The following TRPM1 variants were observed in gnomAD, a reference collection of about 807,000 sequenced individuals.
TRPM1 encodes TRPM1-203 APA Isoform, Intron 10.
Under a neutral mutation model 149.4 loss-of-function variants are expected in TRPM1, and 113 were observed. That is an observed-to-expected ratio of 0.76 (90% CI 0.65 to 0.88). The LOEUF (loss-of-function observed/expected upper bound fraction) is 0.88, where lower values mean the gene tolerates loss of function less well. Among genes scored for constraint, TRPM1 ranks in the 40% least tolerant of loss-of-function variants. The pLI, the probability that TRPM1 is intolerant of heterozygous loss-of-function variation, is 0.00. For missense variants in TRPM1, 1,976 were observed against 2,038.7 expected, an observed-to-expected ratio of 0.97 and a Z score of 0.59; for synonymous variants, 741 against 759.5, an observed-to-expected ratio of 0.98 and a Z score of 0.40.
At chr15:31,015,074 T>C (rs995861094) in intron 27 of TRPM1, among the ~76,000 whole-genome samples, 4 of 152,062 alleles carry the variant, frequency 2.6e-5, no homozygotes, top group African/African-American at 9.7e-5. Context: ...TATAAGCAGA[T>C]GAGATGAGGT....
Position 31,032,695 on chromosome 15 carries a change from T to C in TRPM1, c.2946A>G (p.Gly982=), listed in dbSNP as rs1288944174. The C allele has an allele frequency of 3.7e-6, 6 of 1,613,994 alleles. No individual in the cohort carries two copies. Reference sequence around the variant, plus strand: ...ACAGGATGCCACTACTAACCATCTTTCCAATCATCATCACGTATGGCCCCA... The same window carrying C: ...ACAGGATGCCACTACTAACCATCTTCCCAATCATCATCACGTATGGCCCCA... ...KYLGPYVMMI[G]KMMIDMLYFV... is the part of the protein sequence containing the mutation. Residue 982 remains glycine, a synonymous_variant, in exon 22 of 28, where the codon GGA becomes GGG. Coordinates refer to ENST00000256552, the MANE Select transcript of TRPM1 (RefSeq NM_001252024.2).
chr15:31,014,730 G>C (rs1325276157), intron 27 of TRPM1, among the ~76,000 whole-genome samples: 7 of 152,166 alleles, frequency 4.6e-5, no homozygotes, highest in Non-Finnish European at 5.9e-5. Flanking sequence ...ATGTGAATAA[G>C]GAGCAGACTC....
chr15:31,020,476 G>A (rs1363870036), intron 27 of TRPM1, among the ~76,000 whole-genome samples: 2 of 152,214 alleles, frequency 1.3e-5, no homozygotes, highest in Non-Finnish European at 2.9e-5. Context: ...ACCGATGAAG[G>A]TCATGGGAAC....
intron 8 of TRPM1, 75 bp from the exon 9 acceptor site, chr15:31,062,777 T>A (rs559084872): frequency 1.9e-6 from 3 of 1,540,132 alleles, no homozygotes; most frequent in African/African-American, 2.7e-5. Context: ...CATATCTCTG[T>A]CTTTGATTTG....
At chr15:31,141,772 G>T (rs866542183) in intron 1 of TRPM1, among the ~76,000 whole-genome samples, 2 of 152,222 alleles carry the variant, frequency 1.3e-5, no homozygotes, top group African/African-American at 2.4e-5. Flanking sequence ...TCTTATGAAA[G>T]AAATTTTGTG....
chr15:31,148,186 A>G (rs913234123), intron 1 of TRPM1, among the ~76,000 whole-genome samples: 67 of 152,212 alleles, frequency 4.4e-4, no homozygotes, highest in African/African-American at 1.6e-3. Flanking sequence ...AGGGTCTAAC[A>G]AAGGGACAAA....
At chr15:31,041,104 C>T (rs1190984125) in intron 17 of TRPM1, among the ~76,000 whole-genome samples, 7 of 151,868 alleles carry the variant, frequency 4.6e-5, no homozygotes, top group Admixed American at 4.6e-4. Context: ...GCCTTCCCCA[C>T]ATGATCCAGA....
chr15:31,002,901 C>G lies in TRPM1; in HGVS notation c.3799G>C (p.Ala1267Pro). Reference protein sequence around the residue: ...AGIDRSDLIQARSRASSECEA... With the variant: ...AGIDRSDLIQPRSRASSECEA... ...CATTCAGAAGAAGCCCGGGACCGTG[C>G]CTGGATCAGGTCAGACCTGTCGATT... The change falls in exon 28 of 28, where the codon GCA becomes CCA. Residue 1267 changes from alanine to proline, a missense_variant. Ala to Pro is a conservative substitution (Grantham distance 27). Transcript: ENST00000256552. 6.2e-7 allele frequency: 1 copy of G among 1,613,668 alleles called. No homozygotes were observed. The highest frequency in any genetic ancestry group is 1.3e-5 in the African/African-American group (1 of 75,030).
At chr15:31,023,927 A>G (rs552312138) in intron 27 of TRPM1, among the ~76,000 whole-genome samples, 8 of 152,334 alleles carry the variant, frequency 5.3e-5, no homozygotes, top group Non-Finnish European at 8.8e-5. Context: ...TTTATAGGTA[A>G]ATTTCCAAAC....
chr15:31,103,034 A>G (rs1333353570), upstream of TRPM1, among the ~76,000 whole-genome samples: 1 of 152,216 alleles, frequency 6.6e-6, no homozygotes, highest in Non-Finnish European at 1.5e-5. Context: ...ATCTGAAATC[A>G]GTCTGGGAGC....
In TRPM1 at chr15:31,041,950, C is replaced by T; in HGVS notation, c.2087+1G>A. ...CCTTTAAATCCCCGCTAGACACTAA[C>T]TTGGAATTGTTATCCAAGTCCTGGG... is the stretch of plus-strand genomic sequence containing the variant. On this transcript the variant is annotated splice_donor_variant, in intron 17 of 27. Coordinates refer to ENST00000256552, the MANE Select transcript of TRPM1 (RefSeq NM_001252024.2). LOFTEE classifies it high-confidence loss of function. 6.2e-7 allele frequency: 1 copy of T among 1,614,186 alleles called. No individual in the cohort carries two copies. The highest frequency in any genetic ancestry group is 2.2e-5 in the East Asian group (1 of 44,878).
intron 20 of TRPM1, 193 bp from the exon 21 acceptor site, chr15:31,035,867 T>C: frequency 2.8e-6 from 2 of 724,326 alleles, no homozygotes; most frequent in Non-Finnish European, 4.7e-6. Flanking sequence ...GGAGGCATTT[T>C]ATACTTCAGC....
chr15:31,070,915 A>T (rs1196230298), intron 3 of TRPM1, among the ~76,000 whole-genome samples: 1 of 152,190 alleles, frequency 6.6e-6, no homozygotes, highest in East Asian at 1.9e-4. Context: ...GTAATGCTAA[A>T]AGGCTATTTC....
intron 1 of TRPM1, among the ~76,000 whole-genome samples, chr15:31,089,027 A>C (rs552939319): frequency 6.6e-6 from 1 of 152,216 alleles, no homozygotes; most frequent in Non-Finnish European, 1.5e-5. Context: ...TGAGGCACTC[A>C]AATGGGGGTA....
At chr15:31,114,922 A>G (rs1245592219) in intron 1 of TRPM1, among the ~76,000 whole-genome samples, 1 of 152,258 alleles carries the variant, frequency 6.6e-6, no homozygotes, top group Non-Finnish European at 1.5e-5. Context: ...ATGGATACCA[A>G]TTGTATAACA....
In TRPM1 at chr15:31,050,426, T is replaced by G. The variant is rs376502001; in HGVS notation, c.1420A>C (p.Ile474Leu). The change falls in exon 12 of 28, where the codon ATA becomes CTA. Residue 474 changes from isoleucine to leucine, a missense_variant. Transcript: ENST00000256552. The part of the protein sequence containing the change: ...EVEEETDPRK[I>L]ELLNWVNALE... ...CCACATACCCAGTTCAGCAGCTCTATCTTCCGGGGGTCAGTTTCTTCCTCC... is the reference window on the plus strand; with the variant it reads ...CCACATACCCAGTTCAGCAGCTCTAGCTTCCGGGGGTCAGTTTCTTCCTCC... 5 of 1,614,004 alleles carry G rather than the reference T, an allele frequency of 3.1e-6. No homozygotes were observed. Among genetic ancestry groups the G allele is most frequent in the Non-Finnish European group, 4.2e-6 (5 of 1,180,012 alleles).
At chr15:31,104,233 C>T (rs948172177), upstream of TRPM1, among the ~76,000 whole-genome samples, 6 of 152,142 alleles carry the variant, frequency 3.9e-5, no homozygotes, top group African/African-American at 1.4e-4. Context: ...CTGGCGGTCA[C>T]AGTTGGTGAG....
intron 16 of TRPM1, among the ~76,000 whole-genome samples, chr15:31,043,474 G>A (rs1472521870): frequency 6.6e-6 from 1 of 151,972 alleles, no homozygotes; most frequent in Admixed American, 6.5e-5. Flanking sequence ...TTGTAGCCAT[G>A]AGCCACCACG....
chr15:31,114,904 A>C (rs1233447114), intron 1 of TRPM1, among the ~76,000 whole-genome samples: 1 of 152,260 alleles, frequency 6.6e-6, no homozygotes, highest in East Asian at 1.9e-4. Flanking sequence ...ATATGTGTGT[A>C]CATCTAAATG....
Sources: allele counts gnomAD v4.1 joint callset (sites outside exome capture counted in the v4.1 genomes callset), GRCh38; gene constraint gnomAD v4.1.1; transcripts MANE v1.5; gene names NCBI Gene and HGNC (gene_info 2026-07-23, HGNC 2026-07-21).